TRPM1: variants seen among roughly 807,000 people sequenced by gnomAD.
TRPM1 encodes the protein TRPM1-203 APA Isoform, Intron 10.
Under a neutral mutation model 149.4 loss-of-function variants are expected in TRPM1, and 113 were observed. The observed-to-expected ratio is 0.76, with a 90% CI of 0.65 to 0.88. The LOEUF (loss-of-function observed/expected upper bound fraction) is 0.88, where lower values mean the gene tolerates loss of function less well. TRPM1 is among the 40% of genes least tolerant of loss of function. The pLI is 0.00. For missense variants in TRPM1, 1,976 were observed against 2,038.7 expected, an observed-to-expected ratio of 0.97 and a Z score of 0.59; for synonymous variants, 741 against 759.5, an observed-to-expected ratio of 0.98 and a Z score of 0.40.
In TRPM1 at chr15:31,062,688, G is replaced by A; in HGVS notation, c.980C>T (p.Ser327Phe). Reference protein sequence around the residue: ...YCEEGGIINESLREQLLVTIQ... With the variant: ...YCEEGGIINEFLREQLLVTIQ... ...GGTAACTAGAAGCTGCTCCCTGAGG[G>A]ACTCATTTATTATTCTGTTCAAAGA... The change falls in exon 9 of 28, where the codon TCC (serine) becomes TTC (phenylalanine). Residue 327 changes from serine to phenylalanine, a missense_variant. Transcript: ENST00000256552. The A allele has an allele frequency of 6.2e-7, 1 of 1,613,946 alleles. No homozygotes were observed. Among genetic ancestry groups the A allele is most frequent in the East Asian group, 2.2e-5 (1 of 44,876 alleles).
chr15:31,088,954 A>C (rs956578597), intron 1 of TRPM1, among the ~76,000 whole-genome samples: 1 of 152,124 alleles, frequency 6.6e-6, no homozygotes, highest in Non-Finnish European at 1.5e-5. Flanking sequence ...CGCCTCTGTG[A>C]GGCAGTGGGG....
At position 31,067,985 on chromosome 15, in the gene TRPM1, G is replaced by C. The variant is rs761834467; in HGVS notation, c.387C>G (p.Leu129=). 3 of 1,614,170 alleles carry C rather than the reference G, an allele frequency of 1.9e-6. No homozygotes were observed. The Admixed American group carries it at 5.0e-5, about 27-fold the overall frequency. ...PKLLISVHGG[L]QNFEMQPKLK... ...GCTTGGGCTGCATCTCAAAGTTCTG[G>C]AGGCCTCCATGCACAGATATTAAGA... Residue 129 remains leucine, a synonymous_variant, in exon 5 of 28, where the codon CTC becomes CTG. Transcript: ENST00000256552.
intron 11 of TRPM1, 44 bp downstream of exon 11, chr15:31,060,500 C>G (rs1199420340): frequency 6.5e-7 from 1 of 1,533,028 alleles, no homozygotes; most frequent in Non-Finnish European, 9.0e-7. Context: ...GTCACTTGTA[C>G]AAAGTCAAGA....
chr15:31,023,984 G>A (rs554730347), intron 27 of TRPM1, among the ~76,000 whole-genome samples: 1 of 152,312 alleles, frequency 6.6e-6, no homozygotes, highest in South Asian at 2.1e-4. Flanking sequence ...AGCACTAAAA[G>A]CACCCTGCGT....
At chr15:31,131,999 T>A (rs775346232) in intron 1 of TRPM1, among the ~76,000 whole-genome samples, 8 of 152,250 alleles carry the variant, frequency 5.3e-5, no homozygotes, top group African/African-American at 9.6e-5. Flanking sequence ...CTGGGCCTGC[T>A]TTCCTGGGAT....
intron 1 of TRPM1, among the ~76,000 whole-genome samples, chr15:31,122,061 A>G (rs889391498): frequency 1.3e-5 from 2 of 152,230 alleles, no homozygotes; most frequent in African/African-American, 4.8e-5. Context: ...AATTCATCAC[A>G]TCCACAGGAT....
At position 31,002,218 on chromosome 15, in the gene TRPM1, G is replaced by A; in HGVS notation, c.4482C>T (p.Cys1494=). The A allele has an allele frequency of 6.2e-7, 1 of 1,614,212 alleles. No homozygotes were observed. The highest frequency in any genetic ancestry group is 8.5e-7 in the Non-Finnish European group (1 of 1,180,040). The part of the protein sequence containing the change: ...TDQQLTTEWQ[C]QVQKITRSHS... ...GAGAGCGCGTGATCTTTTGAACTTG[G>A]CATTGCCATTCCGTCGTCAATTGCT... is the stretch of plus-strand genomic sequence containing the variant. Residue 1494 remains cysteine, a synonymous_variant, in exon 28 of 28, where the codon TGC becomes TGT. Coordinates refer to ENST00000256552, the MANE Select transcript of TRPM1 (RefSeq NM_001252024.2).
intron 1 of TRPM1, among the ~76,000 whole-genome samples, chr15:31,100,782 G>A (rs886663547): frequency 3.3e-5 from 5 of 152,158 alleles, no homozygotes; most frequent in Admixed American, 2.6e-4. Context: ...AAGTGACTGC[G>A]TGATGTTTCA....
intron 1 of TRPM1, among the ~76,000 whole-genome samples, chr15:31,091,583 C>T (rs554647202): frequency 2.0e-5 from 3 of 152,180 alleles, no homozygotes; most frequent in South Asian, 4.2e-4. Context: ...AGGGGTTGTT[C>T]CTGGGAGGCT....
At chr15:31,115,234 G>A (rs562435516) in intron 1 of TRPM1, among the ~76,000 whole-genome samples, 41 of 152,186 alleles carry the variant, frequency 2.7e-4, no homozygotes, top group African/African-American at 9.4e-4. Flanking sequence ...TTCCAGCCTG[G>A]GCAACAGAGC....
At chr15:31,104,552 T>C (rs1235347183), upstream of TRPM1, among the ~76,000 whole-genome samples, 1 of 151,460 alleles carries the variant, frequency 6.6e-6, no homozygotes, top group African/African-American at 2.4e-5. Flanking sequence ...TCTAGGGCCA[T>C]GATATCCCTA....
intron 1 of TRPM1, among the ~76,000 whole-genome samples, chr15:31,132,651 T>C (rs2036032281): frequency 6.6e-6 from 1 of 152,208 alleles, no homozygotes; most frequent in African/African-American, 2.4e-5. Flanking sequence ...GCATCACTAG[T>C]TCCCGACAGG....
intron 1 of TRPM1, among the ~76,000 whole-genome samples, chr15:31,138,826 A>G (rs1443689981): frequency 6.6e-6 from 1 of 152,242 alleles, no homozygotes; most frequent in Non-Finnish European, 1.5e-5. Flanking sequence ...AGAAATTTAT[A>G]TCTATGAAGA....
intron 1 of TRPM1, among the ~76,000 whole-genome samples, chr15:31,156,007 G>A (rs1027945232): frequency 1.6e-4 from 24 of 151,816 alleles, no homozygotes; most frequent in Non-Finnish European, 1.5e-5. Flanking sequence ...GACCAGCCTG[G>A]CCAACATGGT....
At chr15:31,112,023 A>C (rs114371755) in intron 1 of TRPM1, among the ~76,000 whole-genome samples, 1 of 152,194 alleles carries the variant, frequency 6.6e-6, no homozygotes, top group Non-Finnish European at 1.5e-5. Flanking sequence ...CTTTTGAAAA[A>C]ATCTTTGGAA....
intron 1 of TRPM1, among the ~76,000 whole-genome samples, chr15:31,155,925 A>G (rs2036368200): frequency 6.6e-6 from 1 of 152,138 alleles, no homozygotes; most frequent in Admixed American, 6.6e-5. Flanking sequence ...GGCCAGGTGC[A>G]GTGGCTCACA....
chr15:31,112,915 G>A (rs1474374726), intron 1 of TRPM1, among the ~76,000 whole-genome samples: 1 of 152,084 alleles, frequency 6.6e-6, no homozygotes, highest in South Asian at 2.1e-4. Flanking sequence ...TTTTTCTTCT[G>A]AAATACCTCT....
At chr15:31,045,223 T>C (rs2033730189) in intron 16 of TRPM1, among the ~76,000 whole-genome samples, 1 of 152,250 alleles carries the variant, frequency 6.6e-6, no homozygotes, top group Admixed American at 6.5e-5. Context: ...AGAATCGGGA[T>C]GCTGTTTAGC....
intron 3 of TRPM1, among the ~76,000 whole-genome samples, chr15:31,074,133 C>T (rs79515038): frequency 0.027 from 4,049 of 152,092 alleles, 167 homozygotes; most frequent in African/African-American, 0.093. Flanking sequence ...CACCCATGTT[C>T]ATAATAGATA....
Sources: gnomAD v4.1 joint callset for allele counts (sites outside exome capture counted in the v4.1 genomes callset) on GRCh38, gnomAD v4.1.1 for gene constraint, MANE v1.5 for transcripts, NCBI Gene and HGNC (gene_info 2026-07-23, HGNC 2026-07-21) for gene names.